The following PTPRG variants were observed in gnomAD, a reference collection of about 807,000 sequenced individuals.
The protein encoded by PTPRG is receptor-type tyrosine-protein phosphatase gamma.
A neutral mutation model predicts 165.3 loss-of-function variants in PTPRG; 102 were observed. The observed-to-expected ratio is 0.62, with a 90% CI of 0.53 to 0.73. PTPRG has a LOEUF of 0.73. Ranked by LOEUF, PTPRG falls within the 30% of genes least tolerant of loss-of-function variation. The pLI, the probability that PTPRG is intolerant of heterozygous loss-of-function variation, is 0.00. For synonymous variants in PTPRG, 675 were observed against 669.5 expected (o/e 1.01, Z -0.13); for missense variants, 1,866 against 1,861.4 (o/e 1.00, Z -0.05).
At chr3:62,075,776 T>C (rs1701360633) in intron 4 of PTPRG, among the ~76,000 whole-genome samples, 1 of 152,152 alleles carries the variant, frequency 6.6e-6, no homozygotes. Context: ...AATCTCTAAA[T>C]CTCTCTGGGG....
intron 1 of PTPRG, among the ~76,000 whole-genome samples, chr3:61,716,567 CATT>C (rs2031817342): frequency 6.6e-6 from 1 of 152,064 alleles, no homozygotes; most frequent in Admixed American, 6.6e-5. Context: ...TTTTTTCTCT[CATT>C]ATCTTTTCTT....
rs1484860890 is a variant in PTPRG, at chr3:61,562,343, C to A, written c.56C>A (p.Ser19Tyr). The change falls in exon 1 of 30, where the codon TCC becomes TAC. Residue 19 changes from serine (S) to tyrosine (Y), a missense_variant. Transcript: ENST00000474889. ...ATTTTGTTCCTGAAAATCACCAGTT[C>A]CGTGCTCCATTATGTCGTGTGCTTC... ...WWILFLKITS[S>Y]VLHYVVCFPA... is the part of the protein sequence containing the mutation. 6.2e-7 allele frequency: 1 copy of A among 1,613,724 alleles called. No individual in the cohort carries two copies. Among genetic ancestry groups the A allele is most frequent in the South Asian group, 1.1e-5 (1 of 91,078 alleles).
chr3:62,020,195 C>T (rs577621290), intron 4 of PTPRG, among the ~76,000 whole-genome samples: 6 of 152,226 alleles, frequency 3.9e-5, no homozygotes, highest in Admixed American at 1.3e-4. Flanking sequence ...TATCACTTTG[C>T]ATATTGTGAA....
intron 2 of PTPRG, among the ~76,000 whole-genome samples, chr3:61,875,776 C>G (rs1251556801): frequency 6.6e-6 from 1 of 152,146 alleles, no homozygotes. Context: ...ACAAAGCTTG[C>G]AGAGGCAGTT....
At chr3:61,668,711 C>A (rs1354150903) in intron 1 of PTPRG, among the ~76,000 whole-genome samples, 1 of 152,130 alleles carries the variant, frequency 6.6e-6, no homozygotes, top group South Asian at 2.1e-4. Flanking sequence ...ACATTACCCT[C>A]TGCTGAACAT....
At chr3:62,067,828 C>G (rs1212335693) in intron 4 of PTPRG, among the ~76,000 whole-genome samples, 1 of 152,162 alleles carries the variant, frequency 6.6e-6, no homozygotes, top group African/African-American at 2.4e-5. Context: ...GGTTAGGGAC[C>G]TCTGTGCTAG....
intron 2 of PTPRG, among the ~76,000 whole-genome samples, chr3:61,902,524 A>G (rs1180093121): frequency 1.3e-5 from 2 of 152,182 alleles, no homozygotes; most frequent in East Asian, 3.9e-4. Flanking sequence ...CTCACTACCA[A>G]TTAAACTGTG....
In PTPRG at chr3:62,245,179, T is replaced by C. The variant is rs1414025382; in HGVS notation, c.2467+1281T>C. Among the ~76,000 whole-genome samples the C allele has an allele frequency of 4.6e-5, 7 of 152,218 alleles. No individual in the cohort carries two copies. Among genetic ancestry groups the C allele is most frequent in the Admixed American group, 4.6e-4 (7 of 15,278 alleles). ...TAAACTAATTCTCATAAAGATAGGA[T>C]AAGTTTTGTGTTACTGTGTGTTCTC... On this transcript the variant is annotated intron_variant, in intron 15 of 29. Coordinates refer to ENST00000474889, the MANE Select transcript of PTPRG (RefSeq NM_002841.4). The surrounding 1 kb of genome is among the most constrained non-coding windows in gnomAD (Gnocchi z 4.2).
At chr3:61,627,255 A>C (rs186303302) in intron 1 of PTPRG, among the ~76,000 whole-genome samples, 9 of 152,284 alleles carry the variant, frequency 5.9e-5, no homozygotes, top group Admixed American at 5.2e-4. Context: ...CATTAGTTAT[A>C]GGGAAATTAT....
intron 6 of PTPRG, among the ~76,000 whole-genome samples, chr3:62,139,014 GC>G (rs1703825521): frequency 6.6e-6 from 1 of 152,202 alleles, no homozygotes; most frequent in Non-Finnish European, 1.5e-5. Context: ...TAGGAAACTT[GC>G]CTGTGGTGAT....
chr3:62,232,482 T>C (rs1335291079), intron 14 of PTPRG, among the ~76,000 whole-genome samples: 1 of 152,224 alleles, frequency 6.6e-6, no homozygotes, highest in Non-Finnish European at 1.5e-5. Context: ...GAGGAAGACG[T>C]TGGACATCAC....
intron 5 of PTPRG, among the ~76,000 whole-genome samples, chr3:62,108,231 T>C (rs932411383): frequency 3.3e-5 from 5 of 151,372 alleles, no homozygotes; most frequent in Non-Finnish European, 5.9e-5. Context: ...GTGTGTGATA[T>C]TTCCCCGCTG....
intron 1 of PTPRG, among the ~76,000 whole-genome samples, chr3:61,631,211 A>G (rs1179660871): frequency 8.8e-5 from 4 of 45,432 alleles, no homozygotes; most frequent in African/African-American, 3.2e-4. Flanking sequence ...GTATGGTAAG[A>G]AAAAAAAAAT....
intron 2 of PTPRG, among the ~76,000 whole-genome samples, chr3:61,947,608 A>G (rs1269279254): frequency 6.6e-6 from 1 of 152,182 alleles, no homozygotes; most frequent in Non-Finnish European, 1.5e-5. Flanking sequence ...GAACTGATTG[A>G]CTGAAGTAAC....
chr3:62,267,483 CTA>C lies in PTPRG; in HGVS notation c.2732_2733del (p.Tyr911CysfsTer2). 6.2e-7 allele frequency: 1 copy of C among 1,608,658 alleles called. No homozygotes were observed. Among genetic ancestry groups the C allele is most frequent in the Non-Finnish European group, 8.5e-7 (1 of 1,176,080 alleles). On this transcript the variant is annotated frameshift_variant, in exon 18 of 30. Transcript: ENST00000474889. LOFTEE classifies it high-confidence loss of function. ...AGCACAGCGACTACATTAATGCAAA[CTA>C]TGTTGATGTAAGTCAGAACTGTTAT... Reference protein sequence around the residue: ...SKHSDYINANYVDGYNKAKAY... With the variant: ...SKHSDYINANXVDGYNKAKAY...
chr3:61,909,476 G>A (rs547169038), intron 2 of PTPRG, among the ~76,000 whole-genome samples: 1 of 152,178 alleles, frequency 6.6e-6, no homozygotes, highest in African/African-American at 2.4e-5. Flanking sequence ...CAGTCCCCCA[G>A]TTAGCCAGGA....
intron 16 of PTPRG, among the ~76,000 whole-genome samples, chr3:62,260,273 C>T (rs1055383122): frequency 1.3e-5 from 2 of 152,184 alleles, no homozygotes; most frequent in African/African-American, 4.8e-5. Context: ...TTATTCTCAG[C>T]TACCTTTTTG....
chr3:61,956,393 C>T (rs2040030850), intron 2 of PTPRG, among the ~76,000 whole-genome samples: 1 of 150,316 alleles, frequency 6.7e-6, no homozygotes, highest in East Asian at 2.0e-4. Context: ...GCAGCAGAAT[C>T]ATTTCACAAC....
intron 2 of PTPRG, among the ~76,000 whole-genome samples, chr3:61,940,147 A>G (rs1481364764): frequency 6.6e-6 from 1 of 151,816 alleles, no homozygotes; most frequent in Non-Finnish European, 1.5e-5. Context: ...GGGTTTTACC[A>G]GGTTGGCCAG....
Sources: gnomAD v4.1 joint callset for allele counts (sites outside exome capture counted in the v4.1 genomes callset) on GRCh38, gnomAD v4.1.1 for gene constraint, Gnocchi (gnomAD v3.1) non-coding constraint, MANE v1.5 for transcripts, NCBI Gene and HGNC (gene_info 2026-07-23, HGNC 2026-07-21) for gene names.